MIGA1: variants seen among roughly 807,000 people sequenced by gnomAD.
MIGA1 encodes the protein mitoguardin 1, also known as family with sequence similarity 73, member A.
Under a neutral mutation model 82.0 loss-of-function variants are expected in MIGA1, and 58 were observed. The ratio of observed to expected loss-of-function variants is 0.71; its 90% CI spans 0.57 to 0.88. The LOEUF (loss-of-function observed/expected upper bound fraction) is 0.88, where lower values mean the gene tolerates loss of function less well. MIGA1 is among the 40% of genes least tolerant of loss of function. The probability of loss-of-function intolerance (pLI) is 0.00; values close to 1 mark genes in which losing one functional copy is unlikely to be tolerated. For missense variants in MIGA1, 751 were observed against 749.1 expected, an observed-to-expected ratio of 1.00 and a Z score of -0.03; for synonymous variants, 249 against 253.6, an observed-to-expected ratio of 0.98 and a Z score of 0.17.
At chr1:77,798,539 T>C (rs555880083) in intron 2 of MIGA1, among the ~76,000 whole-genome samples, 7 of 152,314 alleles carry the variant, frequency 4.6e-5, no homozygotes, top group African/African-American at 1.7e-4. Context: ...TTCTCTACCA[T>C]GAGGACAGTA....
At chr1:77,815,347 A>G (rs1683532115) in intron 7 of MIGA1, 116 bp downstream of exon 7, 3 of 825,964 alleles carry the variant, frequency 3.6e-6, no homozygotes, top group Non-Finnish European at 4.9e-6. Context: ...AAAAAAATAA[A>G]CTAGCCAAGA....
chr1:77,861,424 A>G (rs1355782105), intron 12 of MIGA1, 102 bp downstream of exon 12: 3 of 772,632 alleles, frequency 3.9e-6, no homozygotes, highest in African/African-American at 1.8e-5. Context: ...AATAAAGCCA[A>G]TTGTATGGTT....
At chr1:77,785,600 C>A (rs1288302882) in intron 2 of MIGA1, among the ~76,000 whole-genome samples, 1 of 152,136 alleles carries the variant, frequency 6.6e-6, no homozygotes, top group Non-Finnish European at 1.5e-5. Flanking sequence ...GCCTTGGCCT[C>A]CCAAAGTACT....
Position 77,863,912 on chromosome 1 carries a change from TATG to T in MIGA1, c.1397_1399del (p.Asp466del). 6.4e-7 allele frequency: 1 copy of T among 1,565,102 alleles called. No individual in the cohort carries two copies. The highest frequency in any genetic ancestry group is 8.6e-7 in the Non-Finnish European group (1 of 1,156,448). On this transcript the variant is annotated inframe_deletion, in exon 13 of 16. Transcript: ENST00000370791. The stretch of plus-strand genomic sequence containing the variant: ...AATGCAGGTGAAAAATCTAAATTTT[TATG>T]ATGTTGTTCTGGATTTTATATTAAT...
intron 2 of MIGA1, among the ~76,000 whole-genome samples, chr1:77,785,923 A>T (rs939352979): frequency 1.3e-5 from 2 of 151,676 alleles, no homozygotes; most frequent in Non-Finnish European, 2.9e-5. Flanking sequence ...CCCAGTAGGG[A>T]CTCTGTGTGG....
chr1:77,858,801 G>A (rs982731871), intron 8 of MIGA1, 137 bp from the exon 9 acceptor site: 10 of 551,414 alleles, frequency 1.8e-5, no homozygotes, highest in Non-Finnish European at 2.9e-5. Flanking sequence ...TTAGATTTTT[G>A]TAGAGACAGG....
chr1:77,834,071 A>G (rs1684339711), intron 7 of MIGA1, among the ~76,000 whole-genome samples: 1 of 152,226 alleles, frequency 6.6e-6, no homozygotes, highest in Admixed American at 6.5e-5. Flanking sequence ...TACATACATT[A>G]TTTCACATGG....
rs1370602590 is a variant in MIGA1 at position 77,877,530 on chromosome 1, C to T, written c.*2466C>T. On this transcript the variant is annotated 3_prime_UTR_variant, in exon 16 of 16. Transcript: ENST00000370791. ...AATATTACATGTTTTTACCTTGTTG[C>T]GGTATCTTTGGCCTTCACACACACA... The T allele has an allele frequency of 2.6e-5, 4 of 152,404 alleles. No individual in the cohort carries two copies. Among genetic ancestry groups the T allele is most frequent in the Admixed American group, 6.5e-5 (1 of 15,268 alleles). 9.4% of individuals were successfully genotyped at this position (152,404 alleles called of 1,614,324 possible).
chr1:77,823,024 G>T (rs531596672), intron 7 of MIGA1, among the ~76,000 whole-genome samples: 3 of 151,978 alleles, frequency 2.0e-5, no homozygotes, highest in African/African-American at 7.2e-5. Flanking sequence ...TGTATTTTTA[G>T]TAGAGACGGG....
At chr1:77,869,133 T>C (rs1685794028) in intron 14 of MIGA1, among the ~76,000 whole-genome samples, 1 of 148,368 alleles carries the variant, frequency 6.7e-6, no homozygotes, top group African/African-American at 2.5e-5. Flanking sequence ...GATTAGGGAG[T>C]GGTGATGACT....
At position 77,858,954 on chromosome 1, in the gene MIGA1, A is replaced by G. The variant is rs2101934608; in HGVS notation, c.1013A>G (p.Glu338Gly). 6.2e-7 allele frequency: 1 copy of G among 1,611,158 alleles called. No homozygotes were observed. Among genetic ancestry groups the G allele is most frequent in the Admixed American group, 1.7e-5 (1 of 60,006 alleles). ...TGCTCTTAGCTTGCAGAACACAGAG[A>G]AGTACGGCATACCTACAGCCTGGAG... The change falls in exon 9 of 16, where the codon GAA becomes GGA. Residue 338 changes from glutamate to glycine, a missense_variant. By Grantham distance (98) the Glu-to-Gly change is moderately conservative. Transcript: ENST00000370791.
chr1:77,862,506 A>G (rs1484107742), intron 12 of MIGA1, among the ~76,000 whole-genome samples: 1 of 152,006 alleles, frequency 6.6e-6, no homozygotes, highest in East Asian at 1.9e-4. Context: ...TAATCCCAGC[A>G]CTTTGGGAGG....
Position 77,877,888 on chromosome 1 carries a change from A to C in MIGA1, c.*2824A>C, listed in dbSNP as rs1646905947. ...TATATTCAGCAGGTTGGTTTGTCAAATTCAGTGTTTGAGTTTGTTTCTGGT... is the reference window on the plus strand; with the variant it reads ...TATATTCAGCAGGTTGGTTTGTCAACTTCAGTGTTTGAGTTTGTTTCTGGT... On this transcript the variant is annotated 3_prime_UTR_variant, in exon 16 of 16. Coordinates refer to ENST00000370791, the MANE Select transcript of MIGA1 (RefSeq NM_198549.4). The C allele has an allele frequency of 6.6e-6, 1 of 152,568 alleles. No homozygotes were observed. Among genetic ancestry groups the C allele is most frequent in the South Asian group, 2.1e-4 (1 of 4,828 alleles). 9.5% of individuals were successfully genotyped at this position (152,568 alleles called of 1,614,324 possible).
Position 77,813,708 on chromosome 1 carries a change from A to G in MIGA1, c.638-26A>G, listed in dbSNP as rs781457744. ...ATTTTGGCATTGATTTTGCTCAGTTAAAATTGTTCTGTTCTTAATTTTTAG... is the reference window on the plus strand; with the variant it reads ...ATTTTGGCATTGATTTTGCTCAGTTGAAATTGTTCTGTTCTTAATTTTTAG... On this transcript the variant is annotated intron_variant, in intron 5 of 15. Transcript: ENST00000370791. 1.9e-6 allele frequency: 3 copies of G among 1,609,594 alleles called. No homozygotes were observed. The African/African-American group carries it at 4.0e-5, about 22-fold the overall frequency.
intron 7 of MIGA1, among the ~76,000 whole-genome samples, chr1:77,835,115 G>A (rs140625785): frequency 7.2e-4 from 109 of 152,228 alleles, no homozygotes; most frequent in African/African-American, 2.5e-3. Context: ...AAACCCACTT[G>A]GATTGGTCTA....
chr1:77,855,819 A>G (rs1003618725), intron 8 of MIGA1, among the ~76,000 whole-genome samples: 1 of 151,698 alleles, frequency 6.6e-6, no homozygotes, highest in South Asian at 2.1e-4. Context: ...TTCAAGGTAA[A>G]CGATCATATT....
intron 15 of MIGA1, 121 bp downstream of exon 15, chr1:77,873,241 A>T: frequency 1.0e-6 from 1 of 1,004,658 alleles, no homozygotes; most frequent in Non-Finnish European, 1.4e-6. Context: ...AAGTTATAAA[A>T]GTCACCTAAA....
chr1:77,782,092 A>C (rs960650585), intron 1 of MIGA1, among the ~76,000 whole-genome samples: 2 of 152,050 alleles, frequency 1.3e-5, no homozygotes, highest in African/African-American at 2.4e-5. Context: ...TCGGCCTCCC[A>C]AAGTCACTCC....
intron 7 of MIGA1, among the ~76,000 whole-genome samples, chr1:77,821,538 G>T: frequency 6.6e-6 from 1 of 151,916 alleles, no homozygotes; most frequent in East Asian, 1.9e-4. Flanking sequence ...TGGGATTACA[G>T]GCATGCACCA....
Sources: gnomAD v4.1 joint callset for allele counts (sites outside exome capture counted in the v4.1 genomes callset) on GRCh38, gnomAD v4.1.1 for gene constraint, MANE v1.5 for transcripts, NCBI Gene and HGNC (gene_info 2026-07-23, HGNC 2026-07-21) for gene names.